Variants in APBB2 observed in about 807,000 individuals in gnomAD.
APBB2 encodes the protein amyloid beta precursor protein binding family B member 2.
APBB2 carries 38 observed loss-of-function variants against 82.5 expected under a neutral mutation model. That is an observed-to-expected ratio of 0.46 (90% CI 0.36 to 0.60). The LOEUF is 0.60. APBB2 is among the 20% of genes least tolerant of loss of function. APBB2 has a pLI of 0.00. For missense variants in APBB2, 772 were observed against 972.3 expected (o/e 0.79, Z 2.74); for synonymous variants, 341 against 368.2 (o/e 0.93, Z 0.85).
intron 12 of APBB2, among the ~76,000 whole-genome samples, chr4:40,843,356 T>A (rs1042642972): frequency 2.6e-5 from 4 of 152,050 alleles, no homozygotes; most frequent in African/African-American, 9.7e-5. Context: ...ACAAAGTCAT[T>A]AAGTGGAAAG....
intron 6 of APBB2, among the ~76,000 whole-genome samples, chr4:40,986,110 G>A (rs1301260899): frequency 6.6e-6 from 1 of 152,146 alleles, no homozygotes; most frequent in Admixed American, 6.5e-5. Context: ...ACTTGAATTT[G>A]AGACAATCTT....
At chr4:41,168,657 C>G (rs888145258) in intron 1 of APBB2, among the ~76,000 whole-genome samples, 17 of 152,114 alleles carry the variant, frequency 1.1e-4, no homozygotes, top group Middle Eastern at 3.2e-3. Flanking sequence ...TTCCTCAGAC[C>G]GCTTGAGAAC....
At chr4:41,158,138 G>A (rs1763950982) in intron 1 of APBB2, among the ~76,000 whole-genome samples, 1 of 152,146 alleles carries the variant, frequency 6.6e-6, no homozygotes, top group African/African-American at 2.4e-5. Context: ...TTCAAAGCCT[G>A]GCTCCACACT....
intron 12 of APBB2, among the ~76,000 whole-genome samples, chr4:40,867,975 C>T (rs1373937674): frequency 6.6e-6 from 1 of 150,814 alleles, no homozygotes; most frequent in Non-Finnish European, 1.5e-5. Flanking sequence ...GAAAGGGGCT[C>T]TAAATTTTCA....
intron 2 of APBB2, among the ~76,000 whole-genome samples, chr4:41,124,407 AC>A (rs1487643529): frequency 6.6e-6 from 1 of 151,790 alleles, no homozygotes; most frequent in Non-Finnish European, 1.5e-5. Flanking sequence ...TTTAGTAGAG[AC>A]CGTGTTAGCC....
At chr4:40,849,014 T>TA in intron 12 of APBB2, 1 of 461,320 alleles carries the variant, frequency 2.2e-6, no homozygotes, top group Non-Finnish European at 2.8e-6. Flanking sequence ...TAGTAGGCAA[T>TA]CAATCAATAT....
rs1553926869 is a variant in APBB2 at position 41,059,993 on chromosome 4, A to AAT, written c.-51+5582_-51+5583insAT. ...CAAAACTCCGTCTCAAAAAAAAATA[A>AAT]AATAATAATAATAACAATAACACTG... On this transcript the variant is annotated intron_variant, in intron 4 of 17. Transcript: ENST00000508593. Among the ~76,000 whole-genome samples the AAT allele has an allele frequency of 2.6e-5, 4 of 151,452 alleles. No homozygotes were observed. The East Asian group carries it at 7.8e-4, about 29-fold the overall frequency.
At position 41,039,139 on chromosome 4, in the gene APBB2, A is replaced by C. The variant is rs77746847; in HGVS notation, c.-50-5835T>G. On this transcript the variant is annotated intron_variant, in intron 4 of 17. Transcript: ENST00000508593. ...TTAGAATTTCCAGGGTCAGATAATT[A>C]TATAAAAATGTTATTTAACTACATG... Among the ~76,000 whole-genome samples the C allele has an allele frequency of 4.6e-3, 705 of 152,390 alleles. 4 individuals are homozygous for C. The highest frequency in any genetic ancestry group is 0.016 in the African/African-American group (666 of 41,590).
chr4:41,152,325 C>CT lies in APBB2; in HGVS notation c.-416-9184dup, dbSNP rs912800375. Among the ~76,000 whole-genome samples the CT allele has an allele frequency of 5.5e-3, 805 of 145,048 alleles. 4 individuals are homozygous for CT. Among genetic ancestry groups the CT allele is most frequent in the African/African-American group, 0.012 (496 of 40,010 alleles). Reference sequence around the variant, plus strand: ...TTGTTTTTCACTTGTTTCTTTTCTTCTTTTTTTTTTTTCTTGAGATGGAGT... The same window carrying CT: ...TTGTTTTTCACTTGTTTCTTTTCTTCTTTTTTTTTTTTTCTTGAGATGGAGT... On this transcript the variant is annotated intron_variant, in intron 1 of 17. Coordinates refer to ENST00000508593, the MANE Select transcript of APBB2 (RefSeq NM_004307.2).
rs980055022 is a variant in APBB2 at position 41,014,077 on chromosome 4, C to T, written c.341G>A (p.Gly114Glu). 1 of 1,614,182 alleles carries T rather than the reference C, an allele frequency of 6.2e-7. No homozygotes were observed. Among genetic ancestry groups the T allele is most frequent in the Non-Finnish European group, 8.5e-7 (1 of 1,180,034 alleles). The change falls in exon 6 of 18, where the codon GGG becomes GAG. Residue 114 changes from glycine to glutamate, a missense_variant. Coordinates refer to ENST00000508593, the MANE Select transcript of APBB2 (RefSeq NM_004307.2). ...ENQLRKAAEQGQQDPNKNLSP... is the reference protein window; with the variant it reads ...ENQLRKAAEQEQQDPNKNLSP... ...CAGGTTTTTGTTGGGGTCCTGCTGC[C>T]CTTGCTCTGCAGCCTTACGGAGCTG...
chr4:40,898,063 T>C (rs547401325), intron 10 of APBB2, among the ~76,000 whole-genome samples: 2 of 152,324 alleles, frequency 1.3e-5, no homozygotes, highest in South Asian at 2.1e-4. Context: ...TGGATTCAAG[T>C]CACGATTTTG....
At chr4:40,829,564 G>T (rs1421542413) in intron 13 of APBB2, among the ~76,000 whole-genome samples, 2 of 152,198 alleles carry the variant, frequency 1.3e-5, no homozygotes, top group Non-Finnish European at 2.9e-5. Flanking sequence ...GTACCTGGAA[G>T]TTCCAAGAGG....
At chr4:40,824,174 G>GA (rs1381841039) in intron 15 of APBB2, among the ~76,000 whole-genome samples, 13 of 152,050 alleles carry the variant, frequency 8.5e-5, no homozygotes, top group South Asian at 4.2e-4. Flanking sequence ...AAAAGAAAAA[G>GA]AAAAAAAAGA....
intron 12 of APBB2, among the ~76,000 whole-genome samples, chr4:40,854,227 C>A (rs1271998365): frequency 6.6e-6 from 1 of 152,132 alleles, no homozygotes; most frequent in Non-Finnish European, 1.5e-5. Context: ...CCGAGGAATC[C>A]AAAAGTCTAA....
At chr4:41,010,412 C>T (rs1319412289) in intron 6 of APBB2, among the ~76,000 whole-genome samples, 5 of 152,170 alleles carry the variant, frequency 3.3e-5, no homozygotes, top group Non-Finnish European at 7.3e-5. Context: ...GTTCTCATCA[C>T]AGGCCAAGCA....
intron 15 of APBB2, among the ~76,000 whole-genome samples, chr4:40,825,520 G>A (rs1288258936): frequency 6.6e-6 from 1 of 152,212 alleles, no homozygotes; most frequent in African/African-American, 2.4e-5. Flanking sequence ...CCTTTCTCCT[G>A]GCCCGCCAGC....
chr4:41,190,672 G>T (rs1560993779), intron 1 of APBB2, among the ~76,000 whole-genome samples: 1 of 152,172 alleles, frequency 6.6e-6, no homozygotes, highest in Non-Finnish European at 1.5e-5. Flanking sequence ...TGGATACTAA[G>T]TGTATTTTGT....
chr4:41,158,286 T>C (rs1333688888), intron 1 of APBB2, among the ~76,000 whole-genome samples: 1 of 152,166 alleles, frequency 6.6e-6, no homozygotes, highest in Non-Finnish European at 1.5e-5. Flanking sequence ...ATTACATCCA[T>C]TTCCCATTAA....
chr4:41,093,541 T>C (rs1315100725), intron 3 of APBB2, among the ~76,000 whole-genome samples: 1 of 152,142 alleles, frequency 6.6e-6, no homozygotes, highest in Non-Finnish European at 1.5e-5. Flanking sequence ...CAGATTTTTT[T>C]CTTGCCAAGG....
Sources: allele counts gnomAD v4.1 joint callset (sites outside exome capture counted in the v4.1 genomes callset), GRCh38; gene constraint gnomAD v4.1.1; transcripts MANE v1.5; gene names NCBI Gene and HGNC (gene_info 2026-07-23, HGNC 2026-07-21).